RARB: variants seen among roughly 807,000 people sequenced by gnomAD.
RARB encodes the protein retinoic acid receptor beta.
In RARB, 17 loss-of-function variants were observed where a neutral mutation model predicts 51.9. That is an observed-to-expected ratio of 0.33 (90% CI 0.22 to 0.49). The LOEUF is 0.49. Ranked by LOEUF, RARB falls within the 20% of genes least tolerant of loss-of-function variation. The pLI, the probability that RARB is intolerant of heterozygous loss-of-function variation, is 0.99. For missense variants in RARB, 369 were observed against 550.8 expected (o/e 0.67, Z 3.30); for synonymous variants, 215 against 195.4 (o/e 1.10, Z -0.84).
intron 2 of RARB, among the ~76,000 whole-genome samples, chr3:24,964,220 T>A (rs903468912): frequency 6.6e-6 from 1 of 152,144 alleles, no homozygotes; most frequent in Admixed American, 6.6e-5. Context: ...TGTTTTCTGC[T>A]AATTTGGTTA....
At chr3:24,997,419 A>G (rs1419275136) in intron 2 of RARB, among the ~76,000 whole-genome samples, 1 of 151,606 alleles carries the variant, frequency 6.6e-6, no homozygotes, top group Non-Finnish European at 1.5e-5. Flanking sequence ...TTTTAAGTTG[A>G]GAATGTACTC....
At position 25,406,345 on chromosome 3, in the gene RARB, G is replaced by T. The variant is rs138469275; in HGVS notation, c.179-54848G>T. ...ATTGTATTTGTCTGCTCAGGCTGCC[G>T]TAACAAAATTCCACAGACTGGGCGG... On this transcript the variant is annotated intron_variant, in intron 5 of 11. Coordinates refer to the RARB transcript ENST00000383772. Among the ~76,000 whole-genome samples, 348 of 152,326 alleles carry T rather than the reference G, an allele frequency of 2.3e-3. 1 individual carries two copies. Among genetic ancestry groups the T allele is most frequent in the African/African-American group, 7.8e-3 (326 of 41,570 alleles).
At chr3:24,872,099 C>T (rs1359105496) in intron 2 of RARB, among the ~76,000 whole-genome samples, 1 of 152,118 alleles carries the variant, frequency 6.6e-6, no homozygotes, top group African/African-American at 2.4e-5. Flanking sequence ...CGAATGATTC[C>T]CCATTTCACT....
Position 25,594,692 on chromosome 3 carries a change from C to G in RARB, c.1150+14C>G. The G allele has an allele frequency of 6.3e-7, 1 of 1,599,692 alleles. No homozygotes were observed. The highest frequency in any genetic ancestry group is 1.1e-5 in the South Asian group (1 of 88,452). On this transcript the variant is annotated intron_variant, in intron 7 of 7. Coordinates refer to ENST00000330688, the MANE Select transcript of RARB (RefSeq NM_000965.5). The stretch of plus-strand genomic sequence containing the variant: ...TCAGTGCTAAAGGTATGTCTTCGTG[C>G]TCTCAGTACTGTAGTCACACAGTGG...
At chr3:24,968,945 C>T (rs1436460458) in intron 2 of RARB, among the ~76,000 whole-genome samples, 1 of 151,930 alleles carries the variant, frequency 6.6e-6, no homozygotes, top group Non-Finnish European at 1.5e-5. Flanking sequence ...CTTCTAATGC[C>T]AAGTACTTTT....
chr3:25,324,164 A>T (rs1704647289), intron 5 of RARB: 1 of 152,498 alleles, frequency 6.6e-6, no homozygotes, highest in Admixed American at 6.5e-5. Flanking sequence ...TGACTTCTGG[A>T]AATGTAGATT....
chr3:25,383,616 A>T (rs538982091), intron 5 of RARB, among the ~76,000 whole-genome samples: 7 of 152,302 alleles, frequency 4.6e-5, no homozygotes, highest in African/African-American at 1.4e-4. Flanking sequence ...ACATTTTTTT[A>T]ATTTAATTTT....
intron 2 of RARB, among the ~76,000 whole-genome samples, chr3:24,912,975 C>CTTTTTTTTTTTTTGTTTTTTTTT (rs1695023518): frequency 1.3e-5 from 1 of 75,066 alleles, no homozygotes; most frequent in Non-Finnish European, 2.6e-5. Context: ...GGTACTGATT[C>CTTTTTTTTTTTTTGTTTTTTTTT]TTTTTTTTTT....
chr3:24,907,509 T>C (rs951592498), intron 2 of RARB, among the ~76,000 whole-genome samples: 1 of 152,182 alleles, frequency 6.6e-6, no homozygotes, highest in African/African-American at 2.4e-5. Context: ...TGTGGTTAAA[T>C]GCTGAGAGGT....
chr3:25,386,494 G>T (rs17016356), intron 5 of RARB, among the ~76,000 whole-genome samples: 5,302 of 152,298 alleles, frequency 0.035, 120 homozygotes, highest in Middle Eastern at 0.065. Flanking sequence ...TTTTCTGGCT[G>T]CAGGGCAAAG....
chr3:25,035,200 T>C (rs1025064698), intron 2 of RARB, among the ~76,000 whole-genome samples: 1 of 152,142 alleles, frequency 6.6e-6, no homozygotes, highest in Non-Finnish European at 1.5e-5. Context: ...TGGCTCACTA[T>C]AGCCTCAGAC....
intron 1 of RARB, among the ~76,000 whole-genome samples, chr3:24,841,619 C>T (rs1272485057): frequency 6.6e-6 from 1 of 152,098 alleles, no homozygotes; most frequent in Non-Finnish European, 1.5e-5. Context: ...ACAAGTAGAC[C>T]AACAGAAGGC....
chr3:24,916,557 C>G (rs12108012), intron 2 of RARB, among the ~76,000 whole-genome samples: 1 of 152,092 alleles, frequency 6.6e-6, no homozygotes, highest in African/African-American at 2.4e-5. Context: ...CCTGTGATGT[C>G]TGATGTGCTT....
intron 1 of RARB, among the ~76,000 whole-genome samples, chr3:24,848,511 A>C (rs994274597): frequency 3.9e-5 from 6 of 152,174 alleles, no homozygotes; most frequent in Non-Finnish European, 8.8e-5. Flanking sequence ...GTACTACTTA[A>C]TGCTTTTCCT....
At chr3:25,149,552 A>C (rs920696058) in intron 4 of RARB, among the ~76,000 whole-genome samples, 26 of 152,238 alleles carry the variant, frequency 1.7e-4, no homozygotes, top group African/African-American at 5.8e-4. Context: ...GGTGCAATCA[A>C]GTCCCACATT....
intron 3 of RARB, among the ~76,000 whole-genome samples, chr3:25,098,400 T>C (rs989904387): frequency 6.6e-6 from 1 of 152,228 alleles, no homozygotes; most frequent in Non-Finnish European, 1.5e-5. Flanking sequence ...TTATTCATGC[T>C]TATTTTTCTA....
chr3:24,932,806 T>C (rs1438890418), intron 2 of RARB, among the ~76,000 whole-genome samples: 3 of 152,148 alleles, frequency 2.0e-5, no homozygotes, highest in African/African-American at 7.2e-5. Flanking sequence ...GTTACTTTTG[T>C]TGAGAAAACT....
chr3:25,446,998 A>G (rs2125536892), intron 1 of RARB, among the ~76,000 whole-genome samples: 1 of 141,770 alleles, frequency 7.1e-6, no homozygotes, highest in South Asian at 2.2e-4. Context: ...CCTCAGGTGA[A>G]TAACAGAGAT....
intron 5 of RARB, among the ~76,000 whole-genome samples, chr3:25,222,207 T>A (rs957523632): frequency 2.0e-5 from 3 of 152,206 alleles, no homozygotes; most frequent in African/African-American, 7.2e-5. Flanking sequence ...AGATATATGA[T>A]GACTGCAACC....
Sources: allele counts gnomAD v4.1 joint callset (sites outside exome capture counted in the v4.1 genomes callset), GRCh38; gene constraint gnomAD v4.1.1; transcripts MANE v1.5; gene names NCBI Gene and HGNC (gene_info 2026-07-23, HGNC 2026-07-21).